Variants in SLC9A9 observed in about 807,000 individuals in gnomAD.
SLC9A9 encodes the protein solute carrier family 9 member A9.
Under a neutral mutation model 77.8 loss-of-function variants are expected in SLC9A9, and 62 were observed. The observed-to-expected ratio is 0.80, with a 90% CI of 0.65 to 0.98. The LOEUF (loss-of-function observed/expected upper bound fraction) is 0.98, where lower values mean the gene tolerates loss of function less well. Among genes scored for constraint, SLC9A9 ranks in the 50% least tolerant of loss-of-function variants. The probability of loss-of-function intolerance (pLI) is 0.00; values close to 1 mark genes in which losing one functional copy is unlikely to be tolerated. For synonymous variants in SLC9A9, 320 were observed against 283.5 expected (o/e 1.13, Z -1.29); for missense variants, 775 against 774.9 (o/e 1.00, Z 0.00).
At chr3:143,834,571 CTTTTTTTTT>C (rs5853131) in intron 1 of SLC9A9, among the ~76,000 whole-genome samples, 1 of 116,942 alleles carries the variant, frequency 8.6e-6, no homozygotes, top group Admixed American at 9.6e-5. Context: ...GCGAGGCACT[CTTTTTTTTT>C]TTTTTTTTTT....
chr3:143,483,169 T>C (rs2035600022), intron 11 of SLC9A9, among the ~76,000 whole-genome samples: 2 of 152,250 alleles, frequency 1.3e-5, no homozygotes, highest in South Asian at 2.1e-4. Flanking sequence ...CATTTTCATG[T>C]TCCTAGTCGT....
intron 14 of SLC9A9, among the ~76,000 whole-genome samples, chr3:143,269,512 T>C (rs1024513746): frequency 6.6e-6 from 1 of 152,196 alleles, no homozygotes; most frequent in Non-Finnish European, 1.5e-5. Context: ...TATACAAAAT[T>C]ATGTAAATAA....
Position 143,625,799 on chromosome 3 carries a change from A to G in SLC9A9, c.755+26456T>C, listed in dbSNP as rs554123714. 2.5e-3 allele frequency among the ~76,000 whole-genome samples: 386 copies of G among 152,348 alleles called. 1 individual carries two copies. The highest frequency in any genetic ancestry group is 9.0e-3 in the African/African-American group (373 of 41,578). On this transcript the variant is annotated intron_variant, in intron 6 of 15. Coordinates refer to ENST00000316549, the MANE Select transcript of SLC9A9 (RefSeq NM_173653.4). ...TTAAACTAAAGAGCTTCTGCACAGC[A>G]AAAGAAACTACCATCAGAGTGAACA...
chr3:143,671,837 G>T (rs188750251), intron 5 of SLC9A9, among the ~76,000 whole-genome samples: 1 of 152,282 alleles, frequency 6.6e-6, no homozygotes. Flanking sequence ...AGGTACTCTG[G>T]TCTAACATCC....
At chr3:143,728,413 C>T (rs73871639) in intron 4 of SLC9A9, among the ~76,000 whole-genome samples, 5,618 of 151,980 alleles carry the variant, frequency 0.037, 357 homozygotes, top group African/African-American at 0.13. Context: ...TGGACACAGG[C>T]CTTGAGGCTA....
At chr3:143,842,960 T>G (rs141959255) in intron 1 of SLC9A9, among the ~76,000 whole-genome samples, 3 of 152,290 alleles carry the variant, frequency 2.0e-5, no homozygotes, top group South Asian at 2.1e-4. Context: ...GGGAGACATG[T>G]GATATCTGTT....
chr3:143,343,526 T>C (rs1158134889), intron 14 of SLC9A9: 1 of 151,980 alleles, frequency 6.6e-6, no homozygotes, highest in Non-Finnish European at 1.5e-5. Context: ...AGCAAGAAAA[T>C]ACTACAGAGA....
intron 12 of SLC9A9, among the ~76,000 whole-genome samples, chr3:143,464,463 G>A (rs151240978): frequency 2.0e-5 from 3 of 152,234 alleles, no homozygotes; most frequent in East Asian, 3.9e-4. Context: ...ATTCTATTAT[G>A]TCCTATTTCC....
At chr3:143,798,441 G>T (rs2008452581) in intron 2 of SLC9A9, among the ~76,000 whole-genome samples, 1 of 152,044 alleles carries the variant, frequency 6.6e-6, no homozygotes, top group South Asian at 2.1e-4. Context: ...TGGCTGCCCA[G>T]AGCTGCTCCC....
At chr3:143,358,737 TC>T (rs1476794934) in intron 14 of SLC9A9, among the ~76,000 whole-genome samples, 64 of 152,346 alleles carry the variant, frequency 4.2e-4, no homozygotes, top group African/African-American at 1.5e-3. Context: ...ATCAATTTCT[TC>T]TTCTTACTTC....
At chr3:143,714,327 T>C (rs759568945) in intron 4 of SLC9A9, among the ~76,000 whole-genome samples, 2 of 152,206 alleles carry the variant, frequency 1.3e-5, no homozygotes, top group Non-Finnish European at 2.9e-5. Flanking sequence ...GTGTCTCTTT[T>C]CTTCATGAAG....
chr3:143,450,069 T>C (rs1271683884), intron 12 of SLC9A9, among the ~76,000 whole-genome samples: 2 of 100,608 alleles, frequency 2.0e-5, no homozygotes, highest in African/African-American at 7.1e-5. Context: ...ATAATATGTA[T>C]ATATAATATA....
At chr3:143,761,241 A>C (rs927757913) in intron 4 of SLC9A9, among the ~76,000 whole-genome samples, 5 of 152,242 alleles carry the variant, frequency 3.3e-5, no homozygotes, top group Non-Finnish European at 5.9e-5. Context: ...TAAAAACCCT[A>C]GAAGAAAACC....
chr3:143,585,874 G>A (rs2037532447), intron 6 of SLC9A9, among the ~76,000 whole-genome samples: 1 of 152,226 alleles, frequency 6.6e-6, no homozygotes, highest in Admixed American at 6.5e-5. Context: ...TGAGGGCCAT[G>A]TCCAATAACT....
rs572056501 is a variant in SLC9A9, at chr3:143,297,274, C to A, written c.1605-28294G>T. On this transcript the variant is annotated intron_variant, in intron 14 of 15. Transcript: ENST00000316549. ...AGTGCTATTCATTAAAGAGTGTCTT[C>A]TTTCCCCATTGTGGGTTTTGGCACA... Among the ~76,000 whole-genome samples the A allele has an allele frequency of 7.9e-5, 12 of 152,298 alleles. 1 individual carries two copies. The South Asian group carries it at 2.5e-3, about 32-fold the overall frequency.
At position 143,783,036 on chromosome 3, in the gene SLC9A9, ACCT is replaced by A. The variant is rs1415338350; in HGVS notation, c.533+11962_533+11964del. 7.9e-5 allele frequency among the ~76,000 whole-genome samples: 12 copies of A among 151,968 alleles called. 1 individual carries two copies. Among genetic ancestry groups the A allele is most frequent in the Admixed American group, 7.9e-4 (12 of 15,268 alleles). ...TAGCATCCAGGTTCAAACTTTCATA[ACCT>A]CCTAACTGTTATCTTGCTTCCTGCC... On this transcript the variant is annotated intron_variant, in intron 4 of 15. Transcript: ENST00000316549.
At chr3:143,643,308 G>A (rs2038652563) in intron 6 of SLC9A9, among the ~76,000 whole-genome samples, 1 of 152,152 alleles carries the variant, frequency 6.6e-6, no homozygotes, top group Middle Eastern at 3.2e-3. Flanking sequence ...CCAGGCTAGG[G>A]ATTTTGATTT....
chr3:143,506,138 A>G (rs969498920), intron 9 of SLC9A9, among the ~76,000 whole-genome samples: 3 of 152,244 alleles, frequency 2.0e-5, no homozygotes, highest in Non-Finnish European at 4.4e-5. Flanking sequence ...GTCATGAAAT[A>G]GATTGACCTT....
At chr3:143,389,502 A>T (rs550876492) in intron 12 of SLC9A9, among the ~76,000 whole-genome samples, 29 of 152,332 alleles carry the variant, frequency 1.9e-4, no homozygotes, top group African/African-American at 7.0e-4. Context: ...TTGCCCTACC[A>T]TTAGCCATAT....
Sources: gnomAD v4.1 joint callset for allele counts (sites outside exome capture counted in the v4.1 genomes callset) on GRCh38, gnomAD v4.1.1 for gene constraint, MANE v1.5 for transcripts, NCBI Gene and HGNC (gene_info 2026-07-23, HGNC 2026-07-21) for gene names.